PTPRT: variants seen among roughly 807,000 people sequenced by gnomAD.
PTPRT encodes the protein protein tyrosine phosphatase receptor type T, also known as receptor-type tyrosine-protein phosphatase T.
A neutral mutation model predicts 176.8 loss-of-function variants in PTPRT; 56 were observed. The observed-to-expected ratio is 0.32, with a 90% CI of 0.26 to 0.40. The LOEUF (loss-of-function observed/expected upper bound fraction) is 0.40, where lower values mean the gene tolerates loss of function less well. PTPRT is among the 10% of genes least tolerant of loss of function. The probability of loss-of-function intolerance (pLI) is 1.00; values close to 1 mark genes in which losing one functional copy is unlikely to be tolerated. For missense variants in PTPRT, 1,540 were observed against 1,908.2 expected, an observed-to-expected ratio of 0.81 and a Z score of 3.60; for synonymous variants, 783 against 739.0, an observed-to-expected ratio of 1.06 and a Z score of -0.96.
At chr20:42,795,866 G>A (rs935224525) in intron 2 of PTPRT, among the ~76,000 whole-genome samples, 1 of 152,210 alleles carries the variant, frequency 6.6e-6, no homozygotes, top group Admixed American at 6.5e-5. Flanking sequence ...TTTGTTTTCA[G>A]TGAATATTAA....
At chr20:42,312,041 T>C (rs1449348083) in intron 12 of PTPRT, among the ~76,000 whole-genome samples, 3 of 152,264 alleles carry the variant, frequency 2.0e-5, no homozygotes, top group Admixed American at 6.5e-5. Flanking sequence ...TTTTACATTA[T>C]GCATCTTTGC....
At chr20:42,462,467 G>T (rs2071037117) in intron 8 of PTPRT, among the ~76,000 whole-genome samples, 1 of 152,092 alleles carries the variant, frequency 6.6e-6, no homozygotes, top group South Asian at 2.1e-4. Context: ...AGGTGTTGGG[G>T]GATTATGCAA....
intron 18 of PTPRT, among the ~76,000 whole-genome samples, chr20:42,129,453 T>C (rs1227838360): frequency 4.6e-5 from 7 of 152,214 alleles, no homozygotes; most frequent in African/African-American, 7.2e-5. Flanking sequence ...CTTTATTTGG[T>C]AGCATGCTTA....
intron 2 of PTPRT, among the ~76,000 whole-genome samples, chr20:42,863,458 T>A (rs1219453682): frequency 6.6e-6 from 1 of 152,188 alleles, no homozygotes; most frequent in Non-Finnish European, 1.5e-5. Flanking sequence ...TATTTGGAGA[T>A]CATTCAATGC....
At chr20:42,532,618 G>T (rs990806074) in intron 7 of PTPRT, among the ~76,000 whole-genome samples, 2 of 152,172 alleles carry the variant, frequency 1.3e-5, no homozygotes, top group African/African-American at 4.8e-5. Flanking sequence ...GTGTTGCCCA[G>T]GTTAGTCTCA....
intron 1 of PTPRT, among the ~76,000 whole-genome samples, chr20:43,098,547 CTTTTTTTTT>C (rs752767685): frequency 7.0e-6 from 1 of 141,894 alleles, no homozygotes; most frequent in Non-Finnish European, 1.5e-5. Flanking sequence ...TCTTTTTTTT[CTTTTTTTTT>C]TTTTTGTTTG....
intron 6 of PTPRT, among the ~76,000 whole-genome samples, chr20:42,743,072 T>C (rs189144138): frequency 1.3e-5 from 2 of 152,154 alleles, no homozygotes; most frequent in South Asian, 4.2e-4. Flanking sequence ...ATTTTGCCGC[T>C]GATTAACTCA....
chr20:42,408,450 G>A (rs2058981723), intron 9 of PTPRT, among the ~76,000 whole-genome samples: 1 of 152,034 alleles, frequency 6.6e-6, no homozygotes, highest in Non-Finnish European at 1.5e-5. Flanking sequence ...GTAAGGTGAT[G>A]TTTTCTTGAT....
chr20:42,799,419 T>C (rs2077498172), intron 2 of PTPRT, among the ~76,000 whole-genome samples: 1 of 152,098 alleles, frequency 6.6e-6, no homozygotes, highest in East Asian at 1.9e-4. Context: ...CTTCCAATGA[T>C]GATGTGATGA....
chr20:42,568,372 G>T (rs1054578742), intron 7 of PTPRT, among the ~76,000 whole-genome samples: 1 of 152,096 alleles, frequency 6.6e-6, no homozygotes, highest in African/African-American at 2.4e-5. Flanking sequence ...TCCAACGTTG[G>T]TATTATTATC....
At chr20:43,002,262 C>G (rs929638760) in intron 1 of PTPRT, among the ~76,000 whole-genome samples, 1 of 152,050 alleles carries the variant, frequency 6.6e-6, no homozygotes, top group Non-Finnish European at 1.5e-5. Flanking sequence ...TTATTATTAC[C>G]CACTCATAGG....
intron 7 of PTPRT, among the ~76,000 whole-genome samples, chr20:42,665,791 T>A (rs1196023259): frequency 6.6e-6 from 1 of 151,982 alleles, no homozygotes; most frequent in East Asian, 1.9e-4. Context: ...CTGTCCTTTG[T>A]AGGGACATGG....
chr20:43,158,351 G>A (rs1253280220), intron 1 of PTPRT, among the ~76,000 whole-genome samples: 1 of 152,160 alleles, frequency 6.6e-6, no homozygotes, highest in Non-Finnish European at 1.5e-5. Flanking sequence ...TTCCATGTGA[G>A]ATGAATGTTA....
intron 13 of PTPRT, among the ~76,000 whole-genome samples, chr20:42,263,096 T>A (rs564743315): frequency 1.8e-4 from 27 of 152,170 alleles, no homozygotes; most frequent in Non-Finnish European, 3.5e-4. Flanking sequence ...GGAAATAAAA[T>A]TGGAGAGATA....
intron 8 of PTPRT, among the ~76,000 whole-genome samples, chr20:42,470,280 C>T (rs1208189670): frequency 1.3e-5 from 2 of 152,190 alleles, no homozygotes; most frequent in African/African-American, 4.8e-5. Context: ...CAGACCCTAA[C>T]TGTTGGCTGG....
At chr20:42,669,783 AAC>A (rs2075382240) in intron 7 of PTPRT, among the ~76,000 whole-genome samples, 1 of 152,038 alleles carries the variant, frequency 6.6e-6, no homozygotes, top group African/African-American at 2.4e-5. Flanking sequence ...CTTTTCAGAG[AAC>A]ACAGAGACCA....
chr20:42,587,886 G>C (rs1268987426), intron 7 of PTPRT, among the ~76,000 whole-genome samples: 1 of 152,118 alleles, frequency 6.6e-6, no homozygotes, highest in African/African-American at 2.4e-5. Flanking sequence ...GTGACTTTGG[G>C]CAAATTACTT....
At position 42,979,534 on chromosome 20, in the gene PTPRT, A is replaced by G. The variant is rs193180479; in HGVS notation, c.89-93602T>C. Among the ~76,000 whole-genome samples, 52 of 152,174 alleles carry G rather than the reference A, an allele frequency of 3.4e-4. 1 individual carries two copies. The highest frequency in any genetic ancestry group is 6.2e-4 in the Non-Finnish European group (42 of 68,026). On this transcript the variant is annotated intron_variant, in intron 1 of 30. Transcript: ENST00000373187. ...CACGCTGTGCTGATTCTTATTTCAG[A>G]CGGGTGAAATGTCAAACAACTGAAA... is the stretch of plus-strand genomic sequence containing the variant.
At position 42,769,871 on chromosome 20, in the gene PTPRT, G is replaced by A. The variant is rs138418767; in HGVS notation, c.684+1564C>T. 2.6e-4 allele frequency among the ~76,000 whole-genome samples: 39 copies of A among 152,324 alleles called. No individual in the cohort carries two copies. In the East Asian group the frequency reaches 5.2e-3, roughly 20 times the overall value. Reference sequence around the variant, plus strand: ...TCTGTAGGAAAGAAGGGTACATACCGCATGCTTCCATTTATATAAAATTCT... The same window carrying A: ...TCTGTAGGAAAGAAGGGTACATACCACATGCTTCCATTTATATAAAATTCT... On this transcript the variant is annotated intron_variant, in intron 5 of 30. Coordinates refer to ENST00000373187, the MANE Select transcript of PTPRT (RefSeq NM_007050.6).
Sources: allele counts gnomAD v4.1 joint callset (sites outside exome capture counted in the v4.1 genomes callset), GRCh38; gene constraint gnomAD v4.1.1; transcripts MANE v1.5; gene names NCBI Gene and HGNC (gene_info 2026-07-23, HGNC 2026-07-21).